Variants in NPAS3 observed in about 807,000 individuals in gnomAD.
NPAS3 encodes neuronal PAS domain protein 3, also known as neuronal PAS domain-containing protein 3.
Under a neutral mutation model 73.1 loss-of-function variants are expected in NPAS3, and 14 were observed. That is an observed-to-expected ratio of 0.19 (90% confidence interval 0.13 to 0.30). The LOEUF is 0.30. Ranked by LOEUF, NPAS3 falls within the 10% of genes least tolerant of loss-of-function variation. NPAS3 has a pLI of 1.00. For missense variants in NPAS3, 1,096 were observed against 1,250.0 expected (o/e 0.88, Z 1.86); for synonymous variants, 620 against 541.5 (o/e 1.14, Z -2.01).
chr14:33,769,745 A>ATTT (rs5807743), intron 7 of NPAS3, among the ~76,000 whole-genome samples: 12 of 103,336 alleles, frequency 1.2e-4, no homozygotes, highest in Non-Finnish European at 1.5e-4. Flanking sequence ...AAAGACTTGG[A>ATTT]TTTTTTTTTT....
At chr14:33,113,471 C>T (rs1286197578) in intron 2 of NPAS3, among the ~76,000 whole-genome samples, 3 of 152,068 alleles carry the variant, frequency 2.0e-5, no homozygotes, top group African/African-American at 7.2e-5. Context: ...CTCTGTTTGT[C>T]TGTTATTAGT....
chr14:32,960,086 A>G (rs2036846080), intron 1 of NPAS3, among the ~76,000 whole-genome samples: 1 of 151,650 alleles, frequency 6.6e-6, no homozygotes, highest in African/African-American at 2.4e-5. Context: ...TTGGAAGAGA[A>G]GTGTAATATA....
intron 2 of NPAS3, among the ~76,000 whole-genome samples, chr14:33,079,800 C>T (rs9322915): frequency 0.34 from 50,107 of 147,444 alleles, 8,496 homozygotes; most frequent in African/African-American, 0.44. Flanking sequence ...TTATTAGAAA[C>T]GGGGTTTCAC....
intron 1 of NPAS3, among the ~76,000 whole-genome samples, chr14:33,028,566 A>T (rs1488638086): frequency 6.6e-6 from 1 of 152,034 alleles, no homozygotes; most frequent in Non-Finnish European, 1.5e-5. Context: ...ATATATTTGG[A>T]CTCTGTGGAA....
intron 6 of NPAS3, among the ~76,000 whole-genome samples, chr14:33,715,397 G>T (rs972692777): frequency 6.6e-6 from 1 of 152,134 alleles, no homozygotes; most frequent in Non-Finnish European, 1.5e-5. Context: ...ATTGAAGTGG[G>T]TTGTTTTTCA....
chr14:33,362,227 G>A (rs921601448), intron 3 of NPAS3, among the ~76,000 whole-genome samples: 4 of 151,272 alleles, frequency 2.6e-5, no homozygotes, highest in East Asian at 3.8e-4. Context: ...ATACTGAGGC[G>A]TTTTGTATTG....
chr14:33,315,673 G>C (rs956469314), intron 3 of NPAS3, among the ~76,000 whole-genome samples: 38 of 151,984 alleles, frequency 2.5e-4, no homozygotes, highest in Non-Finnish European at 5.4e-4. Context: ...TATATGTTCT[G>C]GGAGGAGGTT....
chr14:33,363,530 C>G (rs1236818013), intron 3 of NPAS3, among the ~76,000 whole-genome samples: 1 of 152,118 alleles, frequency 6.6e-6, no homozygotes, highest in Non-Finnish European at 1.5e-5. Flanking sequence ...AACCCTTCTC[C>G]CTGTATTTCT....
intron 4 of NPAS3, among the ~76,000 whole-genome samples, chr14:33,375,946 C>G (rs2046294829): frequency 6.6e-6 from 1 of 152,132 alleles, no homozygotes; most frequent in African/African-American, 2.4e-5. Flanking sequence ...ATGACGTAAG[C>G]ATCACTCTGA....
intron 3 of NPAS3, among the ~76,000 whole-genome samples, chr14:33,307,256 A>G (rs1056421298): frequency 2.0e-5 from 3 of 152,240 alleles, no homozygotes; most frequent in African/African-American, 7.2e-5. Context: ...TGAAAATTCA[A>G]AGAAATAAAA....
chr14:33,419,690 G>T (rs189588020), intron 4 of NPAS3, among the ~76,000 whole-genome samples: 1 of 151,990 alleles, frequency 6.6e-6, no homozygotes, highest in Non-Finnish European at 1.5e-5. Flanking sequence ...CTACTTTCTG[G>T]ATAATTAGTG....
intron 3 of NPAS3, among the ~76,000 whole-genome samples, chr14:33,267,877 C>T (rs2040886586): frequency 6.6e-6 from 1 of 152,130 alleles, no homozygotes; most frequent in Non-Finnish European, 1.5e-5. Context: ...GGCCACTCTG[C>T]TCCTACATAG....
chr14:33,447,692 T>C (rs944568396), intron 4 of NPAS3, among the ~76,000 whole-genome samples: 13 of 152,062 alleles, frequency 8.5e-5, no homozygotes, highest in Non-Finnish European at 1.6e-4. Flanking sequence ...GGCAGGAAGA[T>C]TATTTGAATC....
At chr14:33,566,656 T>C (rs2139794152) in intron 5 of NPAS3, among the ~76,000 whole-genome samples, 1 of 152,346 alleles carries the variant, frequency 6.6e-6, no homozygotes, top group East Asian at 1.9e-4. Flanking sequence ...AATGTTCTCC[T>C]ATAATGCATC....
chr14:33,194,702 G>A (rs891419484), intron 2 of NPAS3, among the ~76,000 whole-genome samples: 1 of 152,106 alleles, frequency 6.6e-6, no homozygotes, highest in African/African-American at 2.4e-5. Context: ...TATCTGATAC[G>A]ATTCCAGTAG....
At chr14:33,711,450 G>C (rs2060816003) in intron 6 of NPAS3, among the ~76,000 whole-genome samples, 1 of 152,158 alleles carries the variant, frequency 6.6e-6, no homozygotes, top group African/African-American at 2.4e-5. Context: ...GGGTGACAGA[G>C]AGACCGGGCC....
chr14:33,108,230 G>A lies in NPAS3; in HGVS notation c.140+52236G>A, dbSNP rs180910686. 4.0e-3 allele frequency among the ~76,000 whole-genome samples: 529 copies of A among 133,188 alleles called. 4 individuals are homozygous for A. The highest frequency in any genetic ancestry group is 0.011 in the Middle Eastern group (2 of 186). The allele number at this position is 133,188 out of a possible 152,430, so 87.4% of individuals were successfully genotyped here. ...TTTTTTTGAGATGGAATCTCGTTCT[G>A]TTGCCTAGGCTGGAGTGCAGTGGCA... On this transcript the variant is annotated intron_variant, in intron 2 of 11. Transcript: ENST00000356141.
intron 9 of NPAS3, among the ~76,000 whole-genome samples, chr14:33,788,502 C>T (rs967935201): frequency 1.3e-5 from 2 of 152,102 alleles, no homozygotes; most frequent in Non-Finnish European, 2.9e-5. Flanking sequence ...GCTAAAAGAC[C>T]GCTTTTGATA....
At chr14:32,947,434 T>C (rs2036304285) in intron 1 of NPAS3, among the ~76,000 whole-genome samples, 1 of 152,156 alleles carries the variant, frequency 6.6e-6, no homozygotes, top group African/African-American at 2.4e-5. Context: ...TGTATTGTGC[T>C]GATGGAAGGG....
Sources: gnomAD v4.1 joint callset for allele counts (sites outside exome capture counted in the v4.1 genomes callset) on GRCh38, gnomAD v4.1.1 for gene constraint, MANE v1.5 for transcripts, NCBI Gene and HGNC (gene_info 2026-07-23, HGNC 2026-07-21) for gene names.